FUT8: variants seen among roughly 807,000 people sequenced by gnomAD.
FUT8 encodes fucosyltransferase 8.
A neutral mutation model predicts 71.3 loss-of-function variants in FUT8; 29 were observed. That is an observed-to-expected ratio of 0.41 (90% CI 0.30 to 0.55). The LOEUF (loss-of-function observed/expected upper bound fraction) is 0.55, where lower values mean the gene tolerates loss of function less well. Among genes scored for constraint, FUT8 ranks in the 20% least tolerant of loss-of-function variants. The pLI is 0.34. For missense variants in FUT8, 544 were observed against 702.1 expected (o/e 0.77, Z 2.55); for synonymous variants, 254 against 239.3 (o/e 1.06, Z -0.57).
chr14:65,450,767 A>AT (rs925683083), intron 1 of FUT8, among the ~76,000 whole-genome samples: 6 of 151,442 alleles, frequency 4.0e-5, no homozygotes, highest in East Asian at 1.9e-4. Flanking sequence ...ATGGTTAATC[A>AT]TTTTTTTCTA....
At chr14:65,453,034 G>GT (rs34148965) in intron 1 of FUT8, among the ~76,000 whole-genome samples, 10,998 of 151,866 alleles carry the variant, frequency 0.072, 738 homozygotes, top group South Asian at 0.2. Flanking sequence ...TCTTGCCTTA[G>GT]TTTTTTTAAC....
chr14:65,733,447 A>G (rs1896071342), intron 10 of FUT8, 66 bp downstream of exon 10: 2 of 1,216,408 alleles, frequency 1.6e-6, no homozygotes, highest in Middle Eastern at 2.0e-4. Context: ...CAGAAAAATT[A>G]TTTGTGTGTC....
chr14:65,723,043 G>C (rs528815390), intron 8 of FUT8, among the ~76,000 whole-genome samples: 1 of 151,938 alleles, frequency 6.6e-6, no homozygotes, highest in South Asian at 2.1e-4. Flanking sequence ...GCCAGGCATA[G>C]TGGCTCATGC....
intron 3 of FUT8, among the ~76,000 whole-genome samples, chr14:65,572,789 G>A (rs1223540022): frequency 6.6e-6 from 1 of 152,100 alleles, no homozygotes; most frequent in Non-Finnish European, 1.5e-5. Flanking sequence ...AACAAAGTGT[G>A]AAATACCTGA....
intron 6 of FUT8, among the ~76,000 whole-genome samples, chr14:65,651,678 G>A (rs1404720531): frequency 6.6e-6 from 1 of 152,036 alleles, no homozygotes; most frequent in Non-Finnish European, 1.5e-5. Flanking sequence ...AATAGAAAGT[G>A]TCACCAAAGT....
intron 6 of FUT8, among the ~76,000 whole-genome samples, chr14:65,668,185 G>A (rs745361629): frequency 6.6e-5 from 10 of 151,984 alleles, no homozygotes; most frequent in South Asian, 2.1e-4. Context: ...TGATGAAGAC[G>A]CCAAAAGCAG....
chr14:65,383,429 C>G, the FUT8 span, among the ~76,000 whole-genome samples: 3 of 152,054 alleles, frequency 2.0e-5, no homozygotes, highest in Non-Finnish European at 4.4e-5. Flanking sequence ...CATGTGCCAC[C>G]ACACTCAGCT....
intron 2 of FUT8, among the ~76,000 whole-genome samples, chr14:65,549,970 A>G (rs1885197250): frequency 6.6e-6 from 1 of 152,188 alleles, no homozygotes; most frequent in Admixed American, 6.6e-5. Context: ...CTGAGGCAGG[A>G]GAATCGCTTG....
At chr14:65,724,487 G>A (rs1479666818) in intron 9 of FUT8, among the ~76,000 whole-genome samples, 164 bp downstream of exon 9, 1 of 152,190 alleles carries the variant, frequency 6.6e-6, no homozygotes, top group East Asian at 1.9e-4. Flanking sequence ...TCTAATCAAA[G>A]TGTTTTTATT....
At chr14:65,701,391 C>T (rs1894287602) in intron 7 of FUT8, among the ~76,000 whole-genome samples, 1 of 152,128 alleles carries the variant, frequency 6.6e-6, no homozygotes, top group African/African-American at 2.4e-5. Context: ...TAATAAACCT[C>T]TTTGTGATAA....
intron 5 of FUT8, among the ~76,000 whole-genome samples, chr14:65,629,163 A>C (rs574842366): frequency 1.3e-5 from 2 of 152,322 alleles, no homozygotes; most frequent in Admixed American, 6.5e-5. Context: ...TTCTTTCTCT[A>C]TGTTAATTTA....
intron 9 of FUT8, among the ~76,000 whole-genome samples, chr14:65,727,219 T>C (rs1053169065): frequency 1.3e-5 from 2 of 149,294 alleles, no homozygotes; most frequent in African/African-American, 5.2e-5. Flanking sequence ...TTCTAACAGC[T>C]CCACTAGGCG....
chr14:65,622,796 C>T (rs537750846), intron 5 of FUT8, among the ~76,000 whole-genome samples: 2 of 152,116 alleles, frequency 1.3e-5, no homozygotes, highest in African/African-American at 4.8e-5. Flanking sequence ...CAGATTTGCC[C>T]ATGGATTTGA....
the FUT8 span, among the ~76,000 whole-genome samples, chr14:65,381,650 A>G: frequency 6.6e-6 from 1 of 152,066 alleles, no homozygotes; most frequent in Non-Finnish European, 1.5e-5. Flanking sequence ...AGCTCACTCA[A>G]CTTTCCTCAA....
intron 1 of FUT8, among the ~76,000 whole-genome samples, chr14:65,434,433 C>T (rs2139444316): frequency 6.6e-6 from 1 of 152,310 alleles, no homozygotes; most frequent in South Asian, 2.1e-4. Context: ...TTGTCGTTGA[C>T]ATTAACATCA....
intron 3 of FUT8, among the ~76,000 whole-genome samples, chr14:65,566,696 A>T (rs116383435): frequency 8.3e-4 from 126 of 152,060 alleles, no homozygotes; most frequent in African/African-American, 3.0e-3. Flanking sequence ...GAATCAGTTG[A>T]CTTTGATGCT....
At chr14:65,358,571 G>GGGACAGA in the FUT8 span, among the ~76,000 whole-genome samples, 1 of 151,732 alleles carries the variant, frequency 6.6e-6, no homozygotes, top group African/African-American at 2.4e-5. Context: ...CTCCTACTTC[G>GGGACAGA]GTCTACAGAG....
the FUT8 span, among the ~76,000 whole-genome samples, chr14:65,390,541 CT>C: frequency 1.3e-5 from 2 of 151,624 alleles, no homozygotes; most frequent in Non-Finnish European, 2.9e-5. Flanking sequence ...CATAAATTGA[CT>C]TTTTTCAATG....
chr14:65,366,204 C>T, the FUT8 span, among the ~76,000 whole-genome samples: 1 of 152,028 alleles, frequency 6.6e-6, no homozygotes, highest in African/African-American at 2.4e-5. Context: ...ATAGAGAAGA[C>T]AGTAAGTAGC....
Sources: gnomAD v4.1 joint callset for allele counts (sites outside exome capture counted in the v4.1 genomes callset) on GRCh38, gnomAD v4.1.1 for gene constraint, MANE v1.5 for transcripts, NCBI Gene and HGNC (gene_info 2026-07-23, HGNC 2026-07-21) for gene names.